The following GRAMD2B variants were observed in gnomAD, a reference collection of about 807,000 sequenced individuals.
GRAMD2B encodes GRAM domain containing 2B.
A neutral mutation model predicts 59.2 loss-of-function variants in GRAMD2B; 41 were observed. That is an observed-to-expected ratio of 0.69 (90% CI 0.54 to 0.90). GRAMD2B has a LOEUF of 0.90. Ranked by LOEUF, GRAMD2B falls within the 40% of genes least tolerant of loss-of-function variation. The pLI, the probability that GRAMD2B is intolerant of heterozygous loss-of-function variation, is 0.00. For synonymous variants in GRAMD2B, 161 were observed against 182.7 expected (o/e 0.88, Z 0.96); for missense variants, 424 against 500.5 (o/e 0.85, Z 1.46).
intron 1 of GRAMD2B, among the ~76,000 whole-genome samples, chr5:126,397,589 G>A (rs1757469169): frequency 6.6e-6 from 1 of 152,116 alleles, no homozygotes; most frequent in African/African-American, 2.4e-5. Context: ...ATGAAAGGAT[G>A]TCGAACTGTG....
rs1329577980 is a variant in GRAMD2B at position 126,469,697 on chromosome 5, G to A, written c.224G>A (p.Gly75Asp). The A allele has an allele frequency of 6.2e-7, 1 of 1,613,024 alleles. No homozygotes were observed. Among genetic ancestry groups the A allele is most frequent in the Non-Finnish European group, 8.5e-7 (1 of 1,179,128 alleles). The change falls in exon 3 of 14, where the codon GGT becomes GAT. Residue 75 changes from glycine to aspartate, a missense_variant. By Grantham distance (94) the Gly-to-Asp change is moderately conservative. Coordinates refer to ENST00000285689, the MANE Select transcript of GRAMD2B (RefSeq NM_023927.4). ...TTTAGGTCAAAATCCAGTTTTGATG[G>A]TGCCTCTTTAGCAAGTGATAAGAAC... ...ISLWSKSSFDGASLASDKNDC... is the reference protein window; with the variant it reads ...ISLWSKSSFDDASLASDKNDC...
intron 1 of GRAMD2B, among the ~76,000 whole-genome samples, chr5:126,457,387 A>G (rs1766508208): frequency 6.6e-6 from 1 of 151,860 alleles, no homozygotes. Context: ...TAATCCCAGC[A>G]CTTTGGGAGG....
intron 1 of GRAMD2B, among the ~76,000 whole-genome samples, chr5:126,381,503 G>C (rs1755651929): frequency 6.6e-6 from 1 of 152,064 alleles, no homozygotes. Context: ...TATAAGAATA[G>C]CTACTCCTAC....
rs777559817 is a variant in GRAMD2B, at chr5:126,423,696, A to G, written c.83+7A>G. ...GCAAACTTGGCTCAGCCCAGTGAGT[A>G]TTCTCAGCTGGGACCCATCCAAGGA... On this transcript the variant is annotated splice_region_variant and intron_variant, in intron 1 of 13. Coordinates refer to ENST00000285689, the MANE Select transcript of GRAMD2B (RefSeq NM_023927.4). 1.9e-6 allele frequency: 3 copies of G among 1,602,650 alleles called. No individual in the cohort carries two copies. The highest frequency in any genetic ancestry group is 2.3e-5 in the East Asian group (1 of 44,044).
intron 1 of GRAMD2B, among the ~76,000 whole-genome samples, chr5:126,444,009 G>A (rs563593688): frequency 1.9e-3 from 294 of 151,646 alleles, no homozygotes; most frequent in African/African-American, 5.1e-3. Context: ...CCAAGATCAC[G>A]CCATTGCCCA....
At chr5:126,366,544 CA>C (rs1754444238), upstream of GRAMD2B, among the ~76,000 whole-genome samples, 1 of 152,314 alleles carries the variant, frequency 6.6e-6, no homozygotes, top group Non-Finnish European at 1.5e-5. Context: ...GAAGTTTACA[CA>C]TATTATATCA....
chr5:126,371,496 G>T (rs77939570), exon 1 of GRAMD2B: 1 of 1,289,266 alleles, frequency 7.8e-7, no homozygotes, highest in Admixed American at 2.3e-5. Flanking sequence ...TTGAGACTCC[G>T]GGCAGCCCAA....
At chr5:126,362,178 C>T (rs933633165) in intron 1 of GRAMD2B, among the ~76,000 whole-genome samples, 5 of 152,162 alleles carry the variant, frequency 3.3e-5, no homozygotes, top group African/African-American at 9.7e-5. Context: ...TTAAAAGATC[C>T]TATGAGCTCA....
At chr5:126,365,786 G>A (rs953185611) in intron 1 of GRAMD2B, among the ~76,000 whole-genome samples, 4 of 151,196 alleles carry the variant, frequency 2.6e-5, no homozygotes, top group African/African-American at 9.7e-5. Flanking sequence ...AGAAAGTTCT[G>A]CAAACAAAAT....
chr5:126,492,101 G>A (rs935173335), intron 13 of GRAMD2B, among the ~76,000 whole-genome samples: 2 of 152,130 alleles, frequency 1.3e-5, no homozygotes, highest in Non-Finnish European at 2.9e-5. Flanking sequence ...GTCCAACATC[G>A]GACCCGTCTT....
intron 1 of GRAMD2B, among the ~76,000 whole-genome samples, chr5:126,450,652 TAAAA>T (rs10544199): frequency 2.9e-4 from 28 of 96,052 alleles, no homozygotes; most frequent in South Asian, 4.2e-4. Flanking sequence ...AGCCTGCTGT[TAAAA>T]AAAAAAAAAA....
intron 1 of GRAMD2B, among the ~76,000 whole-genome samples, chr5:126,395,238 A>G (rs1030042865): frequency 2.6e-5 from 4 of 152,260 alleles, no homozygotes; most frequent in African/African-American, 9.6e-5. Flanking sequence ...AAATTAATAC[A>G]CAAAACTGCT....
intron 1 of GRAMD2B, among the ~76,000 whole-genome samples, chr5:126,362,787 GA>G: frequency 6.6e-6 from 1 of 152,156 alleles, no homozygotes; most frequent in Non-Finnish European, 1.5e-5. Flanking sequence ...TCTAAAGAAT[GA>G]AATTGGACCC....
chr5:126,441,231 G>A (rs1395191816), intron 1 of GRAMD2B, among the ~76,000 whole-genome samples: 1 of 152,102 alleles, frequency 6.6e-6, no homozygotes, highest in Non-Finnish European at 1.5e-5. Flanking sequence ...TTAAAATACT[G>A]TTAGCTGGGT....
intron 1 of GRAMD2B, among the ~76,000 whole-genome samples, chr5:126,378,760 T>A (rs935618283): frequency 3.9e-5 from 6 of 152,192 alleles, no homozygotes; most frequent in Non-Finnish European, 8.8e-5. Context: ...CCCCTCATTT[T>A]TGGAAATTTT....
chr5:126,437,739 G>A (rs1238795902), intron 1 of GRAMD2B, among the ~76,000 whole-genome samples: 2 of 152,212 alleles, frequency 1.3e-5, no homozygotes, highest in African/African-American at 2.4e-5. Context: ...CCAAAAGATA[G>A]TCACCAGTGG....
chr5:126,409,840 T>C (rs1256798380), intron 1 of GRAMD2B, among the ~76,000 whole-genome samples: 1 of 152,162 alleles, frequency 6.6e-6, no homozygotes, highest in Non-Finnish European at 1.5e-5. Context: ...TTTAAGTCTT[T>C]AATCCATCTT....
intron 1 of GRAMD2B, among the ~76,000 whole-genome samples, chr5:126,450,653 A>T (rs1468621206): frequency 5.7e-4 from 2 of 3,512 alleles, no homozygotes; most frequent in Non-Finnish European, 0.012. Flanking sequence ...GCCTGCTGTT[A>T]AAAAAAAAAA....
intron 6 of GRAMD2B, 32 bp downstream of exon 6, chr5:126,477,819 C>T: frequency 7.8e-7 from 1 of 1,279,552 alleles, no homozygotes. Flanking sequence ...GGCATCTTTG[C>T]TTTGTCCTCC....
Sources: allele counts gnomAD v4.1 joint callset (sites outside exome capture counted in the v4.1 genomes callset), GRCh38; gene constraint gnomAD v4.1.1; transcripts MANE v1.5; gene names NCBI Gene and HGNC (gene_info 2026-07-23, HGNC 2026-07-21).